TRAF1: variants seen among roughly 807,000 people sequenced by gnomAD.
TRAF1 encodes the protein TNF receptor-associated factor 1.
In TRAF1, 23 loss-of-function variants were observed where a neutral mutation model predicts 40.9. The observed-to-expected ratio is 0.56, with a 90% CI of 0.40 to 0.80. The LOEUF is 0.80. Ranked by LOEUF, TRAF1 falls within the 30% of genes least tolerant of loss-of-function variation. TRAF1 has a pLI of 0.00. For missense variants in TRAF1, 477 were observed against 528.7 expected, an observed-to-expected ratio of 0.90 and a Z score of 0.96; for synonymous variants, 206 against 218.8, an observed-to-expected ratio of 0.94 and a Z score of 0.52.
In TRAF1 at chr9:120,915,415, C is replaced by T. The variant is rs2046562697; in HGVS notation, c.229-1115G>A. Among the ~76,000 whole-genome samples, 3 of 152,156 alleles carry T rather than the reference C, an allele frequency of 2.0e-5. No individual in the cohort carries two copies. In the South Asian group the frequency reaches 6.2e-4, roughly 32 times the overall value. On this transcript the variant is annotated intron_variant, in intron 3 of 7. Transcript: ENST00000373887. ...AATACAGTACTATACTCTTCTGGGA[C>T]CATCGTTGTATATGTGGTCTGGTGT... is the stretch of plus-strand genomic sequence containing the variant.
upstream of TRAF1, chr9:120,927,011 C>T (rs1034234185): frequency 1.3e-5 from 2 of 152,182 alleles, no homozygotes; most frequent in African/African-American, 2.4e-5. Context: ...AACGATGGCT[C>T]CCAGAATGTG....
upstream of TRAF1, chr9:120,929,150 G>A (rs903514223): frequency 2.0e-5 from 3 of 152,516 alleles, no homozygotes; most frequent in Non-Finnish European, 2.9e-5. This position sits in a 1 kb window ranked among gnomAD's most constrained non-coding sequence, Gnocchi z 4.5. Context: ...CCGGCGGCCA[G>A]GCCCGGAGCT....
intron 4 of TRAF1, among the ~76,000 whole-genome samples, 167 bp from the exon 5 acceptor site, chr9:120,913,905 C>T (rs1346660935): frequency 2.0e-5 from 3 of 152,214 alleles, no homozygotes; most frequent in Admixed American, 1.3e-4. Context: ...TGGCATCAGA[C>T]ATGCCCACGA....
chr9:120,916,352 T>G (rs1386534036), intron 3 of TRAF1, among the ~76,000 whole-genome samples: 1 of 152,174 alleles, frequency 6.6e-6, no homozygotes, highest in African/African-American at 2.4e-5. Context: ...TGCAGAAACA[T>G]TTGCCATTTG....
intron 2 of TRAF1, 72 bp downstream of exon 2, chr9:120,925,864 C>T (rs1437468009): frequency 1.9e-6 from 3 of 1,600,012 alleles, no homozygotes; most frequent in Non-Finnish European, 2.6e-6. Flanking sequence ...GCTCCTCTGC[C>T]CCTCACCTCC....
chr9:120,913,194 G>C, intron 5 of TRAF1, 134 bp downstream of exon 5: 1 of 1,141,650 alleles, frequency 8.8e-7, no homozygotes, highest in South Asian at 1.6e-5. Context: ...AAGGGTGTGG[G>C]ATAAAGGGGA....
intron 2 of TRAF1, 107 bp downstream of exon 2, chr9:120,925,829 G>GAA: frequency 1.3e-6 from 2 of 1,520,762 alleles, no homozygotes; most frequent in Non-Finnish European, 1.8e-6. Flanking sequence ...GCCCAGAGAA[G>GAA]AAAAGTCACC....
intron 3 of TRAF1, chr9:120,914,612 G>C: frequency 9.6e-7 from 1 of 1,041,966 alleles, no homozygotes; most frequent in Non-Finnish European, 1.2e-6. Flanking sequence ...GGGGGGCTCT[G>C]TGAGGGCCAT....
rs775727698 is a variant in TRAF1, at chr9:120,909,235, T to G, written c.1027A>C (p.Asn343His). 2 of 1,613,682 alleles carry G rather than the reference T, an allele frequency of 1.2e-6. No individual in the cohort carries two copies. The highest frequency in any genetic ancestry group is 1.7e-6 in the Non-Finnish European group (2 of 1,179,988). Residue 343 changes from asparagine (N) to histidine (H), a missense_variant, in exon 7 of 8, where the codon AAC becomes CAC. Coordinates refer to ENST00000373887, the MANE Select transcript of TRAF1 (RefSeq NM_005658.5). ...YDALLPWPFR[N>H]KVTFMLLDQN... is the part of the protein sequence containing the mutation. ...CATCACCTTCACACCCATACCTTGTTCCGGAAGGGCCACGGCAGCAGCGCA... is the reference window on the plus strand; with the variant it reads ...CATCACCTTCACACCCATACCTTGTGCCGGAAGGGCCACGGCAGCAGCGCA...
chr9:120,906,846 A>T (rs969728642), intron 7 of TRAF1, among the ~76,000 whole-genome samples: 27 of 152,070 alleles, frequency 1.8e-4, no homozygotes, highest in African/African-American at 6.3e-4. Flanking sequence ...CACTGATCTT[A>T]CTGTCTCCAT....
Position 120,909,353 on chromosome 9 carries a change from G to A in TRAF1, c.909C>T (p.Tyr303=). 1 of 1,613,800 alleles carries A rather than the reference G, an allele frequency of 6.2e-7. No individual in the cohort carries two copies. The highest frequency in any genetic ancestry group is 8.5e-7 in the Non-Finnish European group (1 of 1,179,990). The change falls in exon 7 of 8, where the codon TAC becomes TAT. Residue 303 remains tyrosine (Y), a synonymous_variant. Coordinates refer to ENST00000373887, the MANE Select transcript of TRAF1 (RefSeq NM_005658.5). ...SPAFYTAKYG[Y]KLCLRLYLNG... The stretch of plus-strand genomic sequence containing the variant: ...TCAGGTACAGCCGCAGGCACAACTT[G>A]TAGCCATACTTGGCAGTGTAGAAGG...
At chr9:120,913,799 G>A in intron 4 of TRAF1, 61 bp from the exon 5 acceptor site, 1 of 1,485,064 alleles carries the variant, frequency 6.7e-7, no homozygotes, top group Non-Finnish European at 9.0e-7. Context: ...GGGGAGCAGT[G>A]GAGTGCCCTG....
In TRAF1 at chr9:120,903,820, G is replaced by A. The variant is rs919459852; in HGVS notation, c.*1200C>T. On this transcript the variant is annotated 3_prime_UTR_variant, in exon 8 of 8. Coordinates refer to ENST00000373887, the MANE Select transcript of TRAF1 (RefSeq NM_005658.5). ...GTCTCATTATAGAAAAGAGAAGACT[G>A]GGGCTAAGAGGGGATGTTCCTGCCA... 1 of 152,188 alleles carries A rather than the reference G, an allele frequency of 6.6e-6. No homozygotes were observed. The highest frequency in any genetic ancestry group is 1.5e-5 in the Non-Finnish European group (1 of 68,044). The allele number at this position is 152,188 out of a possible 1,614,324, so 9.4% of individuals were successfully genotyped here. A position where few individuals can be genotyped will look rare whatever the true frequency, so the allele number is the denominator to read the frequency against.
chr9:120,925,094 G>A (rs7034653), intron 2 of TRAF1, among the ~76,000 whole-genome samples: 100,909 of 152,168 alleles, frequency 0.66, 33,619 homozygotes, highest in South Asian at 0.82. Flanking sequence ...CTCCTTTGTC[G>A]TCATGTTTGA....
intron 5 of TRAF1, among the ~76,000 whole-genome samples, chr9:120,912,260 G>C (rs1267624995): frequency 6.6e-6 from 1 of 152,168 alleles, no homozygotes; most frequent in Non-Finnish European, 1.5e-5. Flanking sequence ...GCAGATAATG[G>C]TAATGGTGAA....
At chr9:120,909,606 C>T (rs1311890898) in intron 6 of TRAF1, among the ~76,000 whole-genome samples, 1 of 152,182 alleles carries the variant, frequency 6.6e-6, no homozygotes, top group African/African-American at 2.4e-5. Context: ...CGGGCCCCAC[C>T]CTCAGAGTTT....
chr9:120,923,946 G>A (rs1394696159), intron 2 of TRAF1, among the ~76,000 whole-genome samples, 154 bp from the exon 3 acceptor site: 2 of 152,128 alleles, frequency 1.3e-5, no homozygotes, highest in Non-Finnish European at 2.9e-5. Context: ...CAAAACTGCC[G>A]AGTATCCCAC....
At chr9:120,906,006 A>G (rs930990777) in intron 7 of TRAF1, among the ~76,000 whole-genome samples, 1 of 150,520 alleles carries the variant, frequency 6.6e-6, no homozygotes, top group Non-Finnish European at 1.5e-5. Flanking sequence ...TGCCGGGGGT[A>G]GGAGAACCTA....
chr9:120,904,945 T>C lies in TRAF1; in HGVS notation c.*75A>G. On this transcript the variant is annotated 3_prime_UTR_variant, in exon 8 of 8. Transcript: ENST00000373887. ...CATCTTTGTGCCCTGAGGTCTTGGG[T>C]GCCAAGGGCAGGGCATCACAGTCCT... is the stretch of plus-strand genomic sequence containing the variant. 7.0e-7 allele frequency: 1 copy of C among 1,434,696 alleles called. No homozygotes were observed. The highest frequency in any genetic ancestry group is 9.5e-7 in the Non-Finnish European group (1 of 1,047,968). 88.9% of individuals were successfully genotyped at this position (1,434,696 alleles called of 1,614,324 possible).
Sources: gnomAD v4.1 joint callset for allele counts (sites outside exome capture counted in the v4.1 genomes callset) on GRCh38, gnomAD v4.1.1 for gene constraint, Gnocchi (gnomAD v3.1) non-coding constraint, MANE v1.5 for transcripts, NCBI Gene and HGNC (gene_info 2026-07-23, HGNC 2026-07-21) for gene names.